Variants in DLG2 observed in about 807,000 individuals in gnomAD.
DLG2 encodes discs large MAGUK scaffold protein 2, also known as disks large homolog 2.
DLG2 carries 45 observed loss-of-function variants against 132.5 expected under a neutral mutation model. That is an observed-to-expected ratio of 0.34 (90% CI 0.27 to 0.44). The LOEUF is 0.44. Ranked by LOEUF, DLG2 falls within the 20% of genes least tolerant of loss-of-function variation. The pLI, the probability that DLG2 is intolerant of heterozygous loss-of-function variation, is 1.00. For missense variants in DLG2, 1,045 were observed against 1,196.9 expected, an observed-to-expected ratio of 0.87 and a Z score of 1.87; for synonymous variants, 424 against 419.6, an observed-to-expected ratio of 1.01 and a Z score of -0.13.
intron 6 of DLG2, among the ~76,000 whole-genome samples, chr11:84,947,870 A>G (rs928067572): frequency 1.3e-5 from 2 of 152,170 alleles, no homozygotes; most frequent in Non-Finnish European, 2.9e-5. Context: ...CATAGGTACT[A>G]TGATTTTAGG....
chr11:84,009,260 C>T (rs2094746567), intron 11 of DLG2, among the ~76,000 whole-genome samples: 1 of 151,870 alleles, frequency 6.6e-6, no homozygotes, highest in African/African-American at 2.4e-5. Flanking sequence ...CTCACATTTG[C>T]CATGATATTT....
intron 7 of DLG2, among the ~76,000 whole-genome samples, chr11:84,471,476 G>A (rs1453933875): frequency 6.6e-6 from 1 of 151,470 alleles, no homozygotes; most frequent in Non-Finnish European, 1.5e-5. Flanking sequence ...TTCTGTTCTG[G>A]TCTGGTCAGT....
chr11:85,161,109 AT>A (rs1284935612), intron 4 of DLG2, among the ~76,000 whole-genome samples: 1 of 152,228 alleles, frequency 6.6e-6, no homozygotes, highest in Non-Finnish European at 1.5e-5. Context: ...GTGGATGGAT[AT>A]CTGAGTGGTC....
chr11:85,232,608 T>A (rs1247095481), intron 4 of DLG2, among the ~76,000 whole-genome samples: 1 of 151,954 alleles, frequency 6.6e-6, no homozygotes, highest in African/African-American at 2.4e-5. Context: ...TCAATATTTC[T>A]TATAGATTCT....
intron 6 of DLG2, among the ~76,000 whole-genome samples, chr11:84,812,292 T>C (rs1239371133): frequency 6.6e-6 from 1 of 152,172 alleles, no homozygotes; most frequent in East Asian, 1.9e-4. Context: ...CTGGAATAAT[T>C]GAACTTTATA....
At chr11:84,707,643 T>C (rs2059923673) in intron 6 of DLG2, among the ~76,000 whole-genome samples, 1 of 151,810 alleles carries the variant, frequency 6.6e-6, no homozygotes. Context: ...AAGAGACCAA[T>C]ATCTGAAGTC....
chr11:85,543,807 A>G (rs1335905785), intron 3 of DLG2, among the ~76,000 whole-genome samples: 2 of 151,742 alleles, frequency 1.3e-5, no homozygotes, highest in African/African-American at 4.9e-5. Flanking sequence ...GTCTGTTCAT[A>G]TCCTTCATTC....
At chr11:84,544,437 TATC>T (rs2099385494) in intron 6 of DLG2, among the ~76,000 whole-genome samples, 2 of 152,196 alleles carry the variant, frequency 1.3e-5, no homozygotes. Flanking sequence ...ATTAAACAGG[TATC>T]ATCATTCTCA....
At chr11:83,868,963 G>A (rs1320349191) in intron 16 of DLG2, among the ~76,000 whole-genome samples, 4 of 152,098 alleles carry the variant, frequency 2.6e-5, no homozygotes, top group Non-Finnish European at 4.4e-5. Flanking sequence ...AAAGTCCAAC[G>A]GTCCCTTAAA....
At chr11:85,409,079 T>G (rs901831590) in intron 3 of DLG2, among the ~76,000 whole-genome samples, 1 of 151,984 alleles carries the variant, frequency 6.6e-6, no homozygotes, top group South Asian at 2.1e-4. Flanking sequence ...TGCTCCAAGT[T>G]GCATCAGCAG....
intron 3 of DLG2, among the ~76,000 whole-genome samples, chr11:85,521,202 G>A (rs541581999): frequency 1.3e-5 from 2 of 152,324 alleles, no homozygotes; most frequent in African/African-American, 4.8e-5. Context: ...CCTTGTAGGA[G>A]GTGATTAAAC....
intron 6 of DLG2, among the ~76,000 whole-genome samples, chr11:84,729,292 C>T (rs954667469): frequency 6.6e-6 from 1 of 152,038 alleles, no homozygotes; most frequent in Non-Finnish European, 1.5e-5. Context: ...TGTCTTTGTT[C>T]TCATTGGTTT....
chr11:84,475,981 C>A (rs1028400340), intron 7 of DLG2, among the ~76,000 whole-genome samples: 1 of 152,034 alleles, frequency 6.6e-6, no homozygotes, highest in African/African-American at 2.4e-5. Context: ...CACTGATGCT[C>A]CCCAGGCCAC....
At chr11:84,807,641 T>G (rs542929976) in intron 6 of DLG2, among the ~76,000 whole-genome samples, 2 of 152,128 alleles carry the variant, frequency 1.3e-5, no homozygotes, top group African/African-American at 4.8e-5. Context: ...TCGAGGCAGG[T>G]TGAAAGTGAA....
chr11:84,294,956 T>C (rs2098068559), intron 7 of DLG2, among the ~76,000 whole-genome samples: 1 of 152,238 alleles, frequency 6.6e-6, no homozygotes, highest in East Asian at 1.9e-4. Context: ...GAGGTGTAAG[T>C]GAATTATTTT....
At chr11:85,067,018 T>C (rs1244262138) in intron 6 of DLG2, among the ~76,000 whole-genome samples, 1 of 151,766 alleles carries the variant, frequency 6.6e-6, no homozygotes, top group Non-Finnish European at 1.5e-5. Flanking sequence ...TATGTGCCTA[T>C]ATCTAGAAGA....
At chr11:83,947,744 C>T (rs1370696886) in intron 14 of DLG2, among the ~76,000 whole-genome samples, 2 of 152,212 alleles carry the variant, frequency 1.3e-5, no homozygotes, top group African/African-American at 4.8e-5. Flanking sequence ...AGTTACATAA[C>T]TCATCCAAAG....
At chr11:84,635,934 G>A (rs1565516482) in intron 6 of DLG2, among the ~76,000 whole-genome samples, 1 of 152,152 alleles carries the variant, frequency 6.6e-6, no homozygotes, top group Non-Finnish European at 1.5e-5. Flanking sequence ...ACAATAAACA[G>A]TTTAATCGTT....
At chr11:84,186,307 T>C (rs1349594359) in intron 8 of DLG2, among the ~76,000 whole-genome samples, 2 of 152,086 alleles carry the variant, frequency 1.3e-5, no homozygotes, top group Non-Finnish European at 2.9e-5. Context: ...CATATATTAG[T>C]ATGCATAATG....
Sources: allele counts gnomAD v4.1 joint callset (sites outside exome capture counted in the v4.1 genomes callset), GRCh38; gene constraint gnomAD v4.1.1; transcripts MANE v1.5; gene names NCBI Gene and HGNC (gene_info 2026-07-23, HGNC 2026-07-21).